The following DENND11 variants were observed in gnomAD, a reference collection of about 807,000 sequenced individuals.
The protein encoded by DENND11 is DENN domain containing 11.
Under a neutral mutation model 49.2 loss-of-function variants are expected in DENND11, and 34 were observed. That is an observed-to-expected ratio of 0.69 (90% CI 0.53 to 0.92). DENND11 has a LOEUF of 0.92. Ranked by LOEUF, DENND11 falls within the 40% of genes least tolerant of loss-of-function variation. DENND11 has a pLI of 0.00. For synonymous variants in DENND11, 238 were observed against 230.3 expected (o/e 1.03, Z -0.30); for missense variants, 475 against 581.6 (o/e 0.82, Z 1.88).
chr7:141,678,214 C>T (rs1250703526), intron 3 of DENND11, among the ~76,000 whole-genome samples: 4 of 152,288 alleles, frequency 2.6e-5, no homozygotes, highest in East Asian at 3.9e-4. Context: ...CTGCCTGCCT[C>T]GGCCTCCCAA....
At chr7:141,689,840 A>G (rs7791469) in intron 1 of DENND11, among the ~76,000 whole-genome samples, 71,490 of 152,078 alleles carry the variant, frequency 0.47, 17,602 homozygotes, top group East Asian at 0.74. Context: ...CCATGCTGAT[A>G]TGTGTAGCAA....
chr7:141,681,267 G>A (rs1798143133), intron 3 of DENND11, among the ~76,000 whole-genome samples: 2 of 152,162 alleles, frequency 1.3e-5, no homozygotes, highest in Admixed American at 6.5e-5. Flanking sequence ...ACAAGAACTG[G>A]CTGGTTTGCA....
At chr7:141,697,398 G>C (rs183220555) in intron 1 of DENND11, among the ~76,000 whole-genome samples, 1 of 152,180 alleles carries the variant, frequency 6.6e-6, no homozygotes, top group South Asian at 2.1e-4. Context: ...GATTCTACCC[G>C]GGTGGGATTA....
At chr7:141,695,445 C>G (rs1798398304) in intron 1 of DENND11, among the ~76,000 whole-genome samples, 1 of 152,206 alleles carries the variant, frequency 6.6e-6, no homozygotes, top group Non-Finnish European at 1.5e-5. Flanking sequence ...GAAGCGCTAT[C>G]AGGGCTTGAA....
intron 7 of DENND11, 131 bp downstream of exon 7, chr7:141,664,773 C>T: frequency 2.8e-6 from 3 of 1,087,734 alleles, no homozygotes; most frequent in Non-Finnish European, 3.9e-6. Context: ...TTTCCATCTC[C>T]ATCCCAGGCA....
chr7:141,697,252 T>C (rs1017392507), intron 1 of DENND11, among the ~76,000 whole-genome samples: 1 of 152,032 alleles, frequency 6.6e-6, no homozygotes. Flanking sequence ...ACTCAGGAGG[T>C]GGTGGGTATT....
intron 1 of DENND11, among the ~76,000 whole-genome samples, chr7:141,700,807 C>G (rs1798498656): frequency 6.6e-6 from 1 of 152,084 alleles, no homozygotes; most frequent in Non-Finnish European, 1.5e-5. Flanking sequence ...TCATCAGCTG[C>G]CATACCAGAT....
chr7:141,694,855 G>A (rs1278335441), intron 1 of DENND11, among the ~76,000 whole-genome samples: 1 of 152,120 alleles, frequency 6.6e-6, no homozygotes, highest in Non-Finnish European at 1.5e-5. Flanking sequence ...GCTACCTCAG[G>A]TCACCTCGTT....
intron 1 of DENND11, among the ~76,000 whole-genome samples, chr7:141,699,026 G>A (rs1251225497): frequency 2.6e-5 from 4 of 152,148 alleles, no homozygotes; most frequent in Non-Finnish European, 4.4e-5. Context: ...GAGAGACATG[G>A]GGAAGTGGCT....
At chr7:141,663,431 G>A (rs1414258612) in intron 8 of DENND11, 1 of 152,380 alleles carries the variant, frequency 6.6e-6, no homozygotes, top group East Asian at 1.9e-4. Flanking sequence ...CAAAGTGCCT[G>A]GTGCCTGAAG....
At chr7:141,694,686 T>G (rs1166444816) in intron 1 of DENND11, among the ~76,000 whole-genome samples, 1 of 152,244 alleles carries the variant, frequency 6.6e-6, no homozygotes, top group Admixed American at 6.5e-5. Flanking sequence ...CTATAATGCT[T>G]GTTGAATCTG....
In DENND11 at chr7:141,661,970, A is replaced by G. The variant is rs1434419162; in HGVS notation, c.*686T>C. On this transcript the variant is annotated 3_prime_UTR_variant, in exon 9 of 9. Transcript: ENST00000536163. ...CAGACAAAGAGGAACATTACATTGC[A>G]TGGCCACCATCAAGTTACTTTGAGG... 1.3e-5 allele frequency: 2 copies of G among 152,258 alleles called. No homozygotes were observed. Among genetic ancestry groups the G allele is most frequent in the Admixed American group, 1.3e-4 (2 of 15,288 alleles). The allele number at this position is 152,258 out of a possible 1,614,324, so 9.4% of individuals were successfully genotyped here.
chr7:141,694,712 T>C (rs1189611148), intron 1 of DENND11, among the ~76,000 whole-genome samples: 1 of 152,210 alleles, frequency 6.6e-6, no homozygotes, highest in Non-Finnish European at 1.5e-5. Flanking sequence ...AAGCAATCAA[T>C]GTATTAGGGA....
chr7:141,686,417 T>G lies in DENND11; in HGVS notation c.368+142A>C, dbSNP rs1264543827. The G allele has an allele frequency of 4.8e-6, 3 of 623,210 alleles. No homozygotes were observed. In the South Asian group the frequency reaches 5.9e-5, roughly 12 times the overall value. The allele number at this position is 623,210 out of a possible 1,614,324, so 38.6% of individuals were successfully genotyped here. Reference sequence around the variant, plus strand: ...GCTAGACATCTCACTAGAAAAATGATGTAAACACAAAACTATCCATGTATT... The same window carrying G: ...GCTAGACATCTCACTAGAAAAATGAGGTAAACACAAAACTATCCATGTATT... On this transcript the variant is annotated intron_variant, in intron 2 of 8. Coordinates refer to ENST00000536163, the MANE Select transcript of DENND11 (RefSeq NM_001080392.2).
intron 4 of DENND11, among the ~76,000 whole-genome samples, chr7:141,669,841 T>C (rs1310541511): frequency 7.5e-6 from 1 of 133,526 alleles, no homozygotes; most frequent in Non-Finnish European, 1.6e-5. Flanking sequence ...AGACGGAGTC[T>C]CGCTGTCGCC....
chr7:141,701,558 G>C (rs1016498506), intron 1 of DENND11: 1 of 174,550 alleles, frequency 5.7e-6, no homozygotes, highest in African/African-American at 2.4e-5. Context: ...CCACAAACCG[G>C]ATGCCCTGTC....
At chr7:141,698,761 A>G (rs115628046) in intron 1 of DENND11, among the ~76,000 whole-genome samples, 1,768 of 151,974 alleles carry the variant, frequency 0.012, 41 homozygotes, top group African/African-American at 0.039. Flanking sequence ...ACAAGGATCC[A>G]CCCCTCCTTT....
intron 7 of DENND11, 98 bp downstream of exon 7, chr7:141,664,806 G>T: frequency 1.5e-6 from 2 of 1,321,228 alleles, no homozygotes; most frequent in Non-Finnish European, 1.0e-6. Context: ...GGAGAAATGT[G>T]TCAGGGAAGG....
In DENND11 at chr7:141,664,929, T is replaced by G; in HGVS notation, c.1078A>C (p.Lys360Gln). The change falls in exon 7 of 9, where the codon AAG becomes CAG. Residue 360 changes from lysine (K) to glutamine (Q), a missense_variant. Transcript: ENST00000536163. ...LLKINSADRE[K>Q]YRRLNEQRQM... ...CTCTGCTCGTTGAGCCGGCGGTACT[T>G]CTCCCTGTCAGCACTGTTGATCTTC... 1 of 1,613,016 alleles carries G rather than the reference T, an allele frequency of 6.2e-7. No individual in the cohort carries two copies. The highest frequency in any genetic ancestry group is 8.5e-7 in the Non-Finnish European group (1 of 1,179,534).
Sources: gnomAD v4.1 joint callset for allele counts (sites outside exome capture counted in the v4.1 genomes callset) on GRCh38, gnomAD v4.1.1 for gene constraint, MANE v1.5 for transcripts, NCBI Gene and HGNC (gene_info 2026-07-23, HGNC 2026-07-21) for gene names.